Variants in NOL9 observed in about 807,000 individuals in gnomAD.
NOL9 encodes polynucleotide 5'-hydroxyl-kinase NOL9.
A neutral mutation model predicts 67.9 loss-of-function variants in NOL9; 28 were observed. That is an observed-to-expected ratio of 0.41 (90% CI 0.31 to 0.57). The LOEUF (loss-of-function observed/expected upper bound fraction) is 0.57, where lower values mean the gene tolerates loss of function less well. Among genes scored for constraint, NOL9 ranks in the 20% least tolerant of loss-of-function variants. NOL9 has a pLI of 0.25. For missense variants in NOL9, 777 were observed against 897.0 expected, an observed-to-expected ratio of 0.87 and a Z score of 1.71; for synonymous variants, 356 against 352.2, an observed-to-expected ratio of 1.01 and a Z score of -0.12.
At chr1:6,535,041 C>A (rs1429981618) in intron 6 of NOL9, among the ~76,000 whole-genome samples, 1 of 152,170 alleles carries the variant, frequency 6.6e-6, no homozygotes. Context: ...AACTCCTGAC[C>A]TCAAGTGATC....
intron 3 of NOL9, among the ~76,000 whole-genome samples, chr1:6,545,899 G>A (rs1001322515): frequency 2.6e-5 from 3 of 117,052 alleles, no homozygotes; most frequent in African/African-American, 9.5e-5. Context: ...GGGCGACAGA[G>A]GGAGACTGTG....
chr1:6,549,796 G>C, intron 2 of NOL9, 98 bp from the exon 3 acceptor site: 2 of 1,416,238 alleles, frequency 1.4e-6, no homozygotes, highest in Non-Finnish European at 1.9e-6. Context: ...TAAACATTAG[G>C]AGAGTAGGAA....
At chr1:6,528,269 T>TTCA in intron 10 of NOL9, among the ~76,000 whole-genome samples, 1 of 152,318 alleles carries the variant, frequency 6.6e-6, no homozygotes. Context: ...TGCCAGGCTG[T>TTCA]GGCACAATTG....
intron 3 of NOL9, among the ~76,000 whole-genome samples, chr1:6,546,123 T>C (rs975570339): frequency 6.6e-6 from 1 of 152,148 alleles, no homozygotes; most frequent in Non-Finnish European, 1.5e-5. Context: ...TCAAGTTTAC[T>C]ATCTCCCTTA....
At chr1:6,533,507 T>TGGTGA in intron 6 of NOL9, 66 bp from the exon 7 acceptor site, 1 of 1,242,108 alleles carries the variant, frequency 8.1e-7, no homozygotes, top group Non-Finnish European at 1.1e-6. Flanking sequence ...ACTTAAAAGG[T>TGGTGA]GGTGAGGGTT....
At chr1:6,538,873 G>T (rs764462014) in intron 6 of NOL9, among the ~76,000 whole-genome samples, 1 of 152,120 alleles carries the variant, frequency 6.6e-6, no homozygotes, top group Non-Finnish European at 1.5e-5. Flanking sequence ...TTGGGAGGCT[G>T]AGGCAGGAGA....
intron 3 of NOL9, among the ~76,000 whole-genome samples, chr1:6,546,541 A>G (rs1227493272): frequency 6.6e-6 from 1 of 152,196 alleles, no homozygotes; most frequent in Non-Finnish European, 1.5e-5. Flanking sequence ...AAATAATCAG[A>G]GGACAACTTC....
In NOL9 at chr1:6,533,007, T is replaced by C. The variant is rs917828685; in HGVS notation, c.1238-247A>G. On this transcript the variant is annotated intron_variant, in intron 7 of 11. Transcript: ENST00000377705. ...ATGGCCAACATGGCAAAACCCCATC[T>C]TTACTAAAACTACAAAAATTAGCTG... is the stretch of plus-strand genomic sequence containing the variant. 2.4e-4 allele frequency among the ~76,000 whole-genome samples: 36 copies of C among 152,280 alleles called. 1 individual carries two copies. The highest frequency in any genetic ancestry group is 2.2e-3 in the Admixed American group (33 of 15,292).
At position 6,525,480 on chromosome 1, in the gene NOL9, G is replaced by A. The variant is rs753074678; in HGVS notation, c.*374C>T. On this transcript the variant is annotated 3_prime_UTR_variant, in exon 12 of 12. Transcript: ENST00000377705. The stretch of plus-strand genomic sequence containing the variant: ...CATTATGCTTGAGATCCTGCAGGTC[G>A]GCCTTCTTCCTTCCTTCTCGGTACA... The A allele has an allele frequency of 3.2e-5, 7 of 218,270 alleles. No individual in the cohort carries two copies. The highest frequency in any genetic ancestry group is 6.4e-5 in the Non-Finnish European group (7 of 109,302). The allele number at this position is 218,270 out of a possible 1,614,324, so 13.5% of individuals were successfully genotyped here. A position where few individuals can be genotyped will look rare whatever the true frequency, so the allele number is the denominator to read the frequency against.
At chr1:6,553,443 G>A (rs1639588520) in intron 1 of NOL9, among the ~76,000 whole-genome samples, 2 of 152,068 alleles carry the variant, frequency 1.3e-5, no homozygotes, top group African/African-American at 4.8e-5. Flanking sequence ...TAAGAGAGCT[G>A]GATGTTTAAA....
intron 3 of NOL9, among the ~76,000 whole-genome samples, chr1:6,545,919 CAAAA>C (rs66980518): frequency 3.0e-4 from 18 of 59,658 alleles, no homozygotes; most frequent in Non-Finnish European, 4.4e-4. Flanking sequence ...GTCTGTGTCT[CAAAA>C]AAAAAAAAAA....
chr1:6,542,163 A>ATTTTT, intron 5 of NOL9, among the ~76,000 whole-genome samples: 1 of 140,254 alleles, frequency 7.1e-6, no homozygotes, highest in African/African-American at 2.7e-5. Flanking sequence ...GCTCTTTCAG[A>ATTTTT]TTTTTTTTTT....
intron 6 of NOL9, among the ~76,000 whole-genome samples, chr1:6,537,049 A>G (rs551411185): frequency 3.8e-4 from 58 of 152,160 alleles, no homozygotes; most frequent in African/African-American, 1.3e-3. Flanking sequence ...AAAAAAAGAC[A>G]TATCACCCAA....
At chr1:6,551,921 A>G (rs12759872) in intron 1 of NOL9, among the ~76,000 whole-genome samples, 121,475 of 152,070 alleles carry the variant, frequency 0.8, 49,462 homozygotes, top group Non-Finnish European at 0.87. Flanking sequence ...TGTAGTCCCA[A>G]CTACTCGGGA....
chr1:6,547,556 G>A (rs1048074665), intron 3 of NOL9, among the ~76,000 whole-genome samples: 3 of 151,822 alleles, frequency 2.0e-5, no homozygotes, highest in African/African-American at 4.8e-5. Context: ...TGAATAATAC[G>A]GTCAGCAAAA....
intron 6 of NOL9, among the ~76,000 whole-genome samples, chr1:6,533,711 AACTGCTG>A (rs1639085440): frequency 1.3e-5 from 2 of 152,228 alleles, no homozygotes; most frequent in African/African-American, 4.8e-5. Context: ...CAAATCTGCT[AACTGCTG>A]GGCTTGTTCC....
Position 6,554,439 on chromosome 1 carries a change from TG to T in NOL9, c.63del (p.Lys22ArgfsTer121). 6.4e-7 allele frequency: 1 copy of T among 1,550,838 alleles called. No individual in the cohort carries two copies. Among genetic ancestry groups the T allele is most frequent in the Non-Finnish European group, 8.6e-7 (1 of 1,160,540 alleles). On this transcript the variant is annotated frameshift_variant, in exon 1 of 12. Transcript: ENST00000377705. LOFTEE classifies it high-confidence loss of function. ...GSCRSTWLRV[R>X]KARPQLILSR... ...CTGAGGATGAGCTGGGGCCGGGCCT[TG>T]CGGACCCGCAGCCAAGTGGAACGGC...
chr1:6,528,943 C>T, intron 10 of NOL9, 51 bp downstream of exon 10: 1 of 1,558,296 alleles, frequency 6.4e-7, no homozygotes, highest in South Asian at 1.1e-5. Context: ...ACAGTTGAAG[C>T]AGTGGATCCT....
chr1:6,530,368 C>T (rs539435010), intron 9 of NOL9, among the ~76,000 whole-genome samples: 3 of 152,176 alleles, frequency 2.0e-5, no homozygotes, highest in South Asian at 4.1e-4. Flanking sequence ...GCAGGAGAAT[C>T]GCTTGAACCC....
Sources: gnomAD v4.1 joint callset for allele counts (sites outside exome capture counted in the v4.1 genomes callset) on GRCh38, gnomAD v4.1.1 for gene constraint, MANE v1.5 for transcripts, NCBI Gene and HGNC (gene_info 2026-07-23, HGNC 2026-07-21) for gene names.